The following TSHZ2 variants were observed in gnomAD, a reference collection of about 807,000 sequenced individuals.
TSHZ2 encodes teashirt zinc finger homeobox 2, also known as teashirt homolog 2.
Under a neutral mutation model 74.4 loss-of-function variants are expected in TSHZ2, and 21 were observed. The observed-to-expected ratio is 0.28, with a 90% confidence interval of 0.20 to 0.41. The LOEUF (loss-of-function observed/expected upper bound fraction) is 0.41, where lower values mean the gene tolerates loss of function less well. Among genes scored for constraint, TSHZ2 ranks in the 10% least tolerant of loss-of-function variants. TSHZ2 has a pLI of 1.00. For synonymous variants in TSHZ2, 540 were observed against 515.3 expected, an observed-to-expected ratio of 1.05 and a Z score of -0.65; for missense variants, 1,244 against 1,293.5, an observed-to-expected ratio of 0.96 and a Z score of 0.59.
intron 2 of TSHZ2, among the ~76,000 whole-genome samples, chr20:53,433,468 G>T (rs1983915442): frequency 6.6e-6 from 1 of 152,018 alleles, no homozygotes; most frequent in Non-Finnish European, 1.5e-5. Flanking sequence ...TTGAGCCTAG[G>T]AGTTTAAGGC....
intron 2 of TSHZ2, among the ~76,000 whole-genome samples, chr20:53,337,997 AG>A (rs1235403147): frequency 6.6e-6 from 1 of 152,196 alleles, no homozygotes; most frequent in African/African-American, 2.4e-5. Flanking sequence ...CTGGCCAGGC[AG>A]CATGAGACGT....
At chr20:53,447,392 A>G (rs1984595562) in intron 2 of TSHZ2, among the ~76,000 whole-genome samples, 1 of 152,192 alleles carries the variant, frequency 6.6e-6, no homozygotes, top group Non-Finnish European at 1.5e-5. Flanking sequence ...ATTTTGAAAT[A>G]CTTTTAGACT....
In TSHZ2 at chr20:53,255,809, T is replaced by A. The variant is rs758284745; in HGVS notation, c.2351T>A (p.Met784Lys). ...GAGTCCTCGCAAGCACAATCTTGTA[T>A]GTCCCCACCTCAGAAGCACGCTCTG... ...KAESSQAQSC[M>K]SPPQKHALSD... The change falls in exon 2 of 3, where the codon ATG becomes AAG. Residue 784 changes from methionine (M) to lysine (K), a missense_variant. This residue lies in a region of TSHZ2 where 562 missense variants were observed against 544.0 expected (regional missense o/e 1.03). Coordinates refer to ENST00000371497, the MANE Select transcript of TSHZ2 (RefSeq NM_173485.6). The surrounding 1 kb of genome is among the most constrained non-coding windows in gnomAD (Gnocchi z 4.1). 1.1e-5 allele frequency: 17 copies of A among 1,613,638 alleles called. No individual in the cohort carries two copies. The highest frequency in any genetic ancestry group is 1.4e-5 in the Non-Finnish European group (17 of 1,179,854).
intron 2 of TSHZ2, among the ~76,000 whole-genome samples, chr20:53,292,163 A>T (rs1035186595): frequency 3.9e-5 from 6 of 152,142 alleles, no homozygotes; most frequent in African/African-American, 1.4e-4. Flanking sequence ...GCTTCGGTCC[A>T]TTCATCTAGG....
chr20:53,288,895 C>T (rs1991225265), intron 2 of TSHZ2, among the ~76,000 whole-genome samples: 1 of 151,734 alleles, frequency 6.6e-6, no homozygotes, highest in African/African-American at 2.4e-5. Flanking sequence ...TGGTGATTTC[C>T]AAGATTTCAG....
At chr20:53,330,448 G>C (rs1364786976) in intron 2 of TSHZ2, among the ~76,000 whole-genome samples, 3 of 152,172 alleles carry the variant, frequency 2.0e-5, no homozygotes, top group Non-Finnish European at 4.4e-5. Flanking sequence ...GCCTTCAATT[G>C]ACAGACTGAA....
chr20:53,197,683 C>T (rs1988905585), intron 1 of TSHZ2, among the ~76,000 whole-genome samples: 1 of 152,212 alleles, frequency 6.6e-6, no homozygotes, highest in African/African-American at 2.4e-5. Flanking sequence ...AACGGAGGAA[C>T]CGAGTCTCCC....
chr20:53,211,550 CA>C (rs1327171742), intron 1 of TSHZ2, among the ~76,000 whole-genome samples: 1 of 151,534 alleles, frequency 6.6e-6, no homozygotes, highest in African/African-American at 2.4e-5. Flanking sequence ...AAAGTAATAT[CA>C]AGAATAATTT....
intron 2 of TSHZ2, among the ~76,000 whole-genome samples, chr20:53,411,119 G>T (rs1210802926): frequency 6.6e-6 from 1 of 152,144 alleles, no homozygotes; most frequent in Admixed American, 6.5e-5. Context: ...GCATTTTGGG[G>T]GTATCTTCTT....
intron 1 of TSHZ2, among the ~76,000 whole-genome samples, chr20:53,071,438 A>G (rs1266783464): frequency 6.6e-6 from 1 of 152,250 alleles, no homozygotes; most frequent in African/African-American, 2.4e-5. Flanking sequence ...AGATAAAGCA[A>G]CTACAGCTGC....
At chr20:53,034,172 G>A (rs919365111) in intron 1 of TSHZ2, among the ~76,000 whole-genome samples, 3 of 152,168 alleles carry the variant, frequency 2.0e-5, no homozygotes, top group Non-Finnish European at 2.9e-5. Context: ...AGACTTGTGG[G>A]AGCATGGACT....
At chr20:53,329,912 A>G (rs1979655337) in intron 2 of TSHZ2, among the ~76,000 whole-genome samples, 1 of 152,224 alleles carries the variant, frequency 6.6e-6, no homozygotes, top group Non-Finnish European at 1.5e-5. Flanking sequence ...TACTACAAAA[A>G]TTCTAGATCA....
chr20:53,282,388 T>C (rs577416127), intron 2 of TSHZ2, among the ~76,000 whole-genome samples: 13 of 152,288 alleles, frequency 8.5e-5, no homozygotes, highest in African/African-American at 3.1e-4. Context: ...TGCAGATCAG[T>C]GAGGGAGAGG....
Position 53,494,530 on chromosome 20 carries a change from T to C in TSHZ2, c.*7395T>C, listed in dbSNP as rs1398545140. The C allele has an allele frequency of 6.6e-6, 1 of 152,080 alleles. No individual in the cohort carries two copies. The highest frequency in any genetic ancestry group is 1.5e-5 in the Non-Finnish European group (1 of 68,018). 9.4% of individuals were successfully genotyped at this position (152,080 alleles called of 1,614,324 possible). On this transcript the variant is annotated 3_prime_UTR_variant, in exon 3 of 3. Coordinates refer to ENST00000371497, the MANE Select transcript of TSHZ2 (RefSeq NM_173485.6). ...ATTGAAATTATCTGTAGAAGGGGAA[T>C]TTTTTTTAAAAATACAATTTTATCA...
chr20:53,393,489 T>G (rs927561297), intron 2 of TSHZ2, among the ~76,000 whole-genome samples: 2 of 152,202 alleles, frequency 1.3e-5, no homozygotes, highest in Non-Finnish European at 1.5e-5. Context: ...ATGGGAAGAT[T>G]AAATGAAGTA....
chr20:53,266,015 C>T (rs1568843507), intron 2 of TSHZ2, among the ~76,000 whole-genome samples: 1 of 152,188 alleles, frequency 6.6e-6, no homozygotes, highest in Non-Finnish European at 1.5e-5. Flanking sequence ...TAGAGTCTGA[C>T]CCTCCACTTT....
At chr20:53,007,612 T>A (rs533973216) in intron 1 of TSHZ2, among the ~76,000 whole-genome samples, 1 of 151,898 alleles carries the variant, frequency 6.6e-6, no homozygotes, top group South Asian at 2.1e-4. Flanking sequence ...TGTGTTTGTG[T>A]GTGTGTGTGT....
At chr20:53,324,871 C>T (rs1979428154) in intron 2 of TSHZ2, among the ~76,000 whole-genome samples, 1 of 152,192 alleles carries the variant, frequency 6.6e-6, no homozygotes, top group African/African-American at 2.4e-5. Flanking sequence ...AACCCTGTGT[C>T]GGGACAGCCA....
At chr20:53,262,501 T>C (rs1990624363) in intron 2 of TSHZ2, among the ~76,000 whole-genome samples, 1 of 152,242 alleles carries the variant, frequency 6.6e-6, no homozygotes, top group Non-Finnish European at 1.5e-5. Flanking sequence ...ATTAAAGCTA[T>C]AAACTATTTA....
Sources: allele counts gnomAD v4.1 joint callset (sites outside exome capture counted in the v4.1 genomes callset), GRCh38; gene constraint gnomAD v4.1.1; regional missense constraint gnomAD v4.1.1; non-coding constraint Gnocchi (gnomAD v3.1); transcripts MANE v1.5; gene names NCBI Gene and HGNC (gene_info 2026-07-23, HGNC 2026-07-21).